Variants in GMPR observed in about 807,000 individuals in gnomAD.
GMPR encodes GMP reductase 1.
A neutral mutation model predicts 38.4 loss-of-function variants in GMPR; 31 were observed. The ratio of observed to expected loss-of-function variants is 0.81; its 90% CI spans 0.61 to 1.09. The LOEUF (loss-of-function observed/expected upper bound fraction) is 1.09. Among genes scored for constraint, GMPR ranks in the 50% least tolerant of loss-of-function variants. The pLI, the probability that GMPR is intolerant of heterozygous loss-of-function variation, is 0.00. For missense variants in GMPR, 468 were observed against 453.7 expected (o/e 1.03, Z -0.29); for synonymous variants, 162 against 173.3 (o/e 0.93, Z 0.51).
intron 1 of GMPR, among the ~76,000 whole-genome samples, chr6:16,242,114 C>T (rs1020144386): frequency 6.6e-6 from 1 of 152,146 alleles, no homozygotes; most frequent in Non-Finnish European, 1.5e-5. Context: ...TGAAGAGAAT[C>T]GCAGCAAATT....
chr6:16,286,980 G>A (rs55759663), intron 7 of GMPR, among the ~76,000 whole-genome samples: 20,642 of 152,162 alleles, frequency 0.14, 2,865 homozygotes, highest in African/African-American at 0.34. Context: ...AAAACACAGG[G>A]CAGTGTTCTT....
chr6:16,269,792 G>C (rs188743491), intron 4 of GMPR, among the ~76,000 whole-genome samples: 9 of 152,270 alleles, frequency 5.9e-5, no homozygotes, highest in Admixed American at 5.9e-4. Context: ...GTGAGACCCT[G>C]TCTCAAAAAT....
chr6:16,294,605 G>A (rs1415812515), intron 8 of GMPR, among the ~76,000 whole-genome samples: 1 of 152,186 alleles, frequency 6.6e-6, no homozygotes, highest in Non-Finnish European at 1.5e-5. Context: ...TTGGGCTCCT[G>A]GTTGTTGGGA....
In GMPR at chr6:16,238,740, T is replaced by C; in HGVS notation, c.47T>C (p.Leu16Pro). The C allele has an allele frequency of 6.8e-7, 1 of 1,471,680 alleles. No homozygotes were observed. The highest frequency in any genetic ancestry group is 2.2e-5 in the Admixed American group (1 of 46,252). 91.2% of individuals were successfully genotyped at this position (1,471,680 alleles called of 1,614,324 possible). The change falls in exon 1 of 9, where the codon CTG becomes CCG. Residue 16 changes from leucine (L) to proline (P), a missense_variant. Coordinates refer to ENST00000259727, the MANE Select transcript of GMPR (RefSeq NM_006877.4). ...ADLKLDFKDV[L>P]LRPKRSSLKS... ...CTCAAGCTCGACTTCAAGGATGTCC[T>C]GCTCCGACCTAAGCGGAGCAGCCTC...
intron 4 of GMPR, among the ~76,000 whole-genome samples, chr6:16,272,897 C>T (rs1205554386): frequency 2.6e-5 from 4 of 151,984 alleles, no homozygotes; most frequent in East Asian, 1.9e-4. Flanking sequence ...CTCCTGGGCT[C>T]GAGCAATCCA....
In GMPR at chr6:16,295,058, A is replaced by C. The variant is rs755903884; in HGVS notation, c.910A>C (p.Thr304Pro). Residue 304 changes from threonine to proline, a missense_variant, in exon 9 of 9, where the codon ACT becomes CCT. By Grantham distance (38) the Thr-to-Pro change is conservative. Transcript: ENST00000259727. ...EVPYKGDVENTILDILGGLRS... is the reference protein window; with the variant it reads ...EVPYKGDVENPILDILGGLRS... The stretch of plus-strand genomic sequence containing the variant: ...TCCTTACAAAGGAGATGTGGAAAAC[A>C]CTATCCTGGATATTCTCGGGGGACT... 14 of 1,608,732 alleles carry C rather than the reference A, an allele frequency of 8.7e-6. No individual in the cohort carries two copies. The highest frequency in any genetic ancestry group is 1.1e-5 in the Non-Finnish European group (13 of 1,177,824).
At chr6:16,281,649 C>T (rs1466258355) in intron 6 of GMPR, among the ~76,000 whole-genome samples, 3 of 150,184 alleles carry the variant, frequency 2.0e-5, no homozygotes, top group African/African-American at 7.4e-5. Context: ...GGATTACAGG[C>T]ACGCGCCACC....
chr6:16,293,372 G>A (rs1759875310), intron 8 of GMPR, among the ~76,000 whole-genome samples: 1 of 152,172 alleles, frequency 6.6e-6, no homozygotes, highest in African/African-American at 2.4e-5. Flanking sequence ...GCCTGTCTGG[G>A]GTCACGGAGT....
chr6:16,266,136 TCTTTAAGAGCTGTAACACTTGCC>T (rs1759210137), intron 4 of GMPR, among the ~76,000 whole-genome samples: 10 of 42,626 alleles, frequency 2.3e-4, no homozygotes, highest in African/African-American at 7.8e-4. Context: ...ACACTTGCCA[TCTTTAAGAGCTGTAACACTTGCC>T]ATCTTTAAGA....
intron 1 of GMPR, among the ~76,000 whole-genome samples, chr6:16,244,978 T>G (rs1758726966): frequency 1.3e-5 from 2 of 152,158 alleles, no homozygotes; most frequent in South Asian, 4.1e-4. Flanking sequence ...CCCATTGTGA[T>G]CTCAGCCGGG....
chr6:16,247,611 G>T (rs1200033071), intron 2 of GMPR, among the ~76,000 whole-genome samples: 1 of 152,308 alleles, frequency 6.6e-6, no homozygotes, highest in African/African-American at 2.4e-5. Context: ...CTGACCTCAG[G>T]TGATCCGCCT....
At chr6:16,265,523 G>A (rs1759177934) in intron 4 of GMPR, among the ~76,000 whole-genome samples, 1 of 152,226 alleles carries the variant, frequency 6.6e-6, no homozygotes, top group Admixed American at 6.5e-5. Flanking sequence ...TTTCTGTCTA[G>A]CCTAGAGGAT....
rs1427919397 is a variant in GMPR, at chr6:16,238,734, A to G, written c.41A>G (p.Asp14Gly). The G allele has an allele frequency of 2.1e-6, 3 of 1,458,032 alleles. No individual in the cohort carries two copies. Among genetic ancestry groups the G allele is most frequent in the Admixed American group, 2.2e-5 (1 of 44,768 alleles). The allele number at this position is 1,458,032 out of a possible 1,614,324, so 90.3% of individuals were successfully genotyped here. ...GCGGACCTCAAGCTCGACTTCAAGG[A>G]TGTCCTGCTCCGACCTAAGCGGAGC... ...IDADLKLDFKDVLLRPKRSSL... is the reference protein window; with the variant it reads ...IDADLKLDFKGVLLRPKRSSL... Residue 14 changes from aspartate to glycine, a missense_variant, in exon 1 of 9, where the codon GAT (aspartate) becomes GGT (glycine). Asp to Gly is a moderately conservative substitution (Grantham distance 94). Transcript: ENST00000259727.
chr6:16,292,341 TC>T (rs894809532), intron 8 of GMPR, among the ~76,000 whole-genome samples: 3 of 151,974 alleles, frequency 2.0e-5, no homozygotes, highest in Non-Finnish European at 4.4e-5. Flanking sequence ...GTTCTATTCA[TC>T]CGTGGGGTTC....
At chr6:16,250,854 C>G (rs567002028) in intron 3 of GMPR, among the ~76,000 whole-genome samples, 1 of 150,848 alleles carries the variant, frequency 6.6e-6, no homozygotes, top group Non-Finnish European at 1.5e-5. Flanking sequence ...CCAGCCTGGT[C>G]AACATAGTGA....
chr6:16,286,627 C>T (rs557188502), intron 7 of GMPR, among the ~76,000 whole-genome samples: 1 of 151,660 alleles, frequency 6.6e-6, no homozygotes, highest in South Asian at 2.1e-4. Context: ...TTTTAATTTT[C>T]AGGCTGGGTG....
At chr6:16,240,431 G>A (rs1300399247) in intron 1 of GMPR, among the ~76,000 whole-genome samples, 3 of 152,198 alleles carry the variant, frequency 2.0e-5, no homozygotes, top group African/African-American at 7.2e-5. Context: ...CTATTTGGAA[G>A]GCTGAGGCGG....
At chr6:16,253,938 G>T (rs1267915125) in intron 3 of GMPR, among the ~76,000 whole-genome samples, 3 of 151,812 alleles carry the variant, frequency 2.0e-5, no homozygotes, top group Non-Finnish European at 4.4e-5. Context: ...TAGTGGCGGG[G>T]TGGGGTTTGG....
chr6:16,239,983 C>T (rs780071945), intron 1 of GMPR, among the ~76,000 whole-genome samples: 6 of 152,112 alleles, frequency 3.9e-5, no homozygotes, highest in Non-Finnish European at 7.4e-5. Context: ...AAAGAGGGGG[C>T]CTCTCTTGGA....
Sources: allele counts gnomAD v4.1 joint callset (sites outside exome capture counted in the v4.1 genomes callset), GRCh38; gene constraint gnomAD v4.1.1; transcripts MANE v1.5; gene names NCBI Gene and HGNC (gene_info 2026-07-23, HGNC 2026-07-21).